SMPD3: variants seen among roughly 807,000 people sequenced by gnomAD.
SMPD3 encodes the protein sphingomyelin phosphodiesterase 3.
SMPD3 carries 21 observed loss-of-function variants against 55.7 expected under a neutral mutation model. The observed-to-expected ratio is 0.38, with a 90% CI of 0.27 to 0.54. The LOEUF (loss-of-function observed/expected upper bound fraction) is 0.54. SMPD3 is among the 20% of genes least tolerant of loss of function. The pLI is 0.80. For synonymous variants in SMPD3, 457 were observed against 404.3 expected (o/e 1.13, Z -1.56); for missense variants, 842 against 899.6 (o/e 0.94, Z 0.82).
chr16:68,375,365 G>A (rs1417423371), intron 2 of SMPD3, among the ~76,000 whole-genome samples: 1 of 147,046 alleles, frequency 6.8e-6, no homozygotes, highest in Non-Finnish European at 1.5e-5. Flanking sequence ...CCTGGCGTGA[G>A]GACACTTTGG....
At chr16:68,367,216 GCTC>G (rs1365009979) in intron 3 of SMPD3, 2 of 152,370 alleles carry the variant, frequency 1.3e-5, no homozygotes, top group African/African-American at 4.8e-5. Context: ...GGCAACAACT[GCTC>G]CTCCTCCATG....
rs781334581 is a variant in SMPD3, at chr16:68,361,250, C to T, written c.1924G>A (p.Val642Ile). 4 of 1,613,694 alleles carry T rather than the reference C, an allele frequency of 2.5e-6. No homozygotes were observed. The highest frequency in any genetic ancestry group is 1.3e-5 in the African/African-American group (1 of 74,926). ...GAAGACACCATCAGTCGCATGGCTA[C>T]TGGCAGGTGGTCCGTCAGGCCGGAC... is the stretch of plus-strand genomic sequence containing the variant. ...QLSGLTDHLP[V>I]AMRLMVSSGE... The change falls in exon 9 of 9, where the codon GTA becomes ATA. Residue 642 changes from valine (V) to isoleucine (I), a missense_variant. Val to Ile is a conservative substitution (Grantham distance 29). This residue lies in a region of SMPD3 where 649 missense variants were observed against 643.6 expected (regional missense o/e 1.01). Transcript: ENST00000219334.
At chr16:68,439,684 C>T (rs2090551438) in intron 1 of SMPD3, among the ~76,000 whole-genome samples, 1 of 152,200 alleles carries the variant, frequency 6.6e-6, no homozygotes, top group South Asian at 2.1e-4. Context: ...TTAACATAAG[C>T]CTTCACTGAG....
At chr16:68,435,092 C>T (rs572283236) in intron 1 of SMPD3, among the ~76,000 whole-genome samples, 1 of 150,178 alleles carries the variant, frequency 6.7e-6, no homozygotes, top group Non-Finnish European at 1.5e-5. Context: ...TGTTTGGAAG[C>T]CCTTCCTTTT....
At chr16:68,435,333 T>C (rs2090514013) in intron 1 of SMPD3, among the ~76,000 whole-genome samples, 1 of 152,220 alleles carries the variant, frequency 6.6e-6, no homozygotes, top group African/African-American at 2.4e-5. Flanking sequence ...TTTTAAAGAC[T>C]TGTAAATGGA....
intron 1 of SMPD3, among the ~76,000 whole-genome samples, chr16:68,438,061 T>G (rs1482546848): frequency 6.6e-6 from 1 of 152,186 alleles, no homozygotes; most frequent in Non-Finnish European, 1.5e-5. Context: ...GCAGCCACCC[T>G]GGGAGGCAGC....
In SMPD3 at chr16:68,447,826, G is replaced by A. The variant is rs1441102646; in HGVS notation, c.-269+527C>T. 2.6e-5 allele frequency among the ~76,000 whole-genome samples: 4 copies of A among 152,148 alleles called. No homozygotes were observed. Among genetic ancestry groups the A allele is most frequent in the Non-Finnish European group, 4.4e-5 (3 of 67,998 alleles). On this transcript the variant is annotated intron_variant, in intron 1 of 8. Coordinates refer to ENST00000219334, the MANE Select transcript of SMPD3 (RefSeq NM_018667.4). This position sits in a 1 kb window ranked among gnomAD's most constrained non-coding sequence, Gnocchi z 5.1. ...GGGGAATAGGGAGGGGGGCGAGTGTGGAGGAAGGGGCCTGGGCAAGGGTCT... is the reference window on the plus strand; with the variant it reads ...GGGGAATAGGGAGGGGGGCGAGTGTAGAGGAAGGGGCCTGGGCAAGGGTCT...
intron 3 of SMPD3, chr16:68,369,710 G>A (rs990040284): frequency 6.6e-6 from 1 of 152,270 alleles, no homozygotes; most frequent in Non-Finnish European, 1.5e-5. Context: ...GAAGAGCAGA[G>A]GACCCAAACT....
chr16:68,361,334 C>T (rs1403246039), intron 8 of SMPD3, 27 bp from the exon 9 acceptor site: 3 of 1,589,980 alleles, frequency 1.9e-6, no homozygotes, highest in African/African-American at 2.7e-5. Context: ...AGGGGAGAAA[C>T]AGCCTGGTCA....
intron 1 of SMPD3, among the ~76,000 whole-genome samples, chr16:68,432,874 G>C (rs1012682184): frequency 3.3e-5 from 5 of 152,072 alleles, no homozygotes; most frequent in Non-Finnish European, 7.4e-5. Context: ...GTGCGATTAT[G>C]GCTCACTACA....
At chr16:68,444,421 A>G (rs555115842) in intron 1 of SMPD3, among the ~76,000 whole-genome samples, 6 of 152,334 alleles carry the variant, frequency 3.9e-5, no homozygotes, top group Non-Finnish European at 2.9e-5. Context: ...CAGATTCTTC[A>G]ACATGACCAG....
intron 1 of SMPD3, among the ~76,000 whole-genome samples, chr16:68,400,337 T>C (rs1397813359): frequency 6.6e-6 from 1 of 152,134 alleles, no homozygotes; most frequent in Non-Finnish European, 1.5e-5. Context: ...GCATGACCCA[T>C]TTGGGCTGTA....
In SMPD3 at chr16:68,358,967, T is replaced by C. The variant is rs1371065064; in HGVS notation, c.*2239A>G. The C allele has an allele frequency of 6.6e-6, 1 of 152,560 alleles. No individual in the cohort carries two copies. The highest frequency in any genetic ancestry group is 2.4e-5 in the African/African-American group (1 of 41,426). 9.5% of individuals were successfully genotyped at this position (152,560 alleles called of 1,614,324 possible). A position where few individuals can be genotyped will look rare whatever the true frequency, so the allele number is the denominator to read the frequency against. On this transcript the variant is annotated 3_prime_UTR_variant, in exon 9 of 9. Coordinates refer to ENST00000219334, the MANE Select transcript of SMPD3 (RefSeq NM_018667.4). ...TGTGCGGGGGCCTGGGGGCCGCACA[T>C]CCTTACTCTGGACCCCAGGACCTGA...
chr16:68,386,845 C>G (rs1396408419), intron 1 of SMPD3, among the ~76,000 whole-genome samples, 186 bp from the exon 2 acceptor site: 1 of 152,144 alleles, frequency 6.6e-6, no homozygotes, highest in East Asian at 1.9e-4. Context: ...TTCCAGTGGA[C>G]GAAGTGCAGT....
chr16:68,394,067 T>C (rs2090135081), intron 1 of SMPD3, among the ~76,000 whole-genome samples: 1 of 152,258 alleles, frequency 6.6e-6, no homozygotes, highest in East Asian at 1.9e-4. Context: ...GAAATGCTTA[T>C]GTCTTTCCCA....
chr16:68,424,161 T>G (rs1212814069), intron 1 of SMPD3, among the ~76,000 whole-genome samples: 1 of 150,210 alleles, frequency 6.7e-6, no homozygotes, highest in East Asian at 2.1e-4. Flanking sequence ...TCACTGGCTG[T>G]GGGAACAACA....
intron 1 of SMPD3, among the ~76,000 whole-genome samples, chr16:68,391,746 G>A (rs2152004847): frequency 6.6e-6 from 1 of 152,276 alleles, no homozygotes; most frequent in South Asian, 2.1e-4. Flanking sequence ...AGGGTAGAAT[G>A]GTGTTATGAA....
chr16:68,415,947 G>A (rs1008131887), intron 1 of SMPD3, among the ~76,000 whole-genome samples: 5 of 151,998 alleles, frequency 3.3e-5, no homozygotes, highest in Admixed American at 1.3e-4. Flanking sequence ...TGTGTCCAAC[G>A]GCCTGATTTA....
At chr16:68,411,461 A>G (rs1224138327) in intron 1 of SMPD3, among the ~76,000 whole-genome samples, 1 of 152,138 alleles carries the variant, frequency 6.6e-6, no homozygotes, top group Admixed American at 6.5e-5. Context: ...ATTCCTGCTT[A>G]GGGCCTCTCC....
Sources: gnomAD v4.1 joint callset for allele counts (sites outside exome capture counted in the v4.1 genomes callset) on GRCh38, gnomAD v4.1.1 for gene constraint, gnomAD v4.1.1 regional missense constraint, Gnocchi (gnomAD v3.1) non-coding constraint, MANE v1.5 for transcripts, NCBI Gene and HGNC (gene_info 2026-07-23, HGNC 2026-07-21) for gene names.